KLF15: variants seen among roughly 807,000 people sequenced by gnomAD.
The protein encoded by KLF15 is KLF transcription factor 15.
A neutral mutation model predicts 24.6 loss-of-function variants in KLF15; 4 were observed. The observed-to-expected ratio is 0.16, with a 90% CI of 0.08 to 0.37. The LOEUF is 0.37. Among genes scored for constraint, KLF15 ranks in the 10% least tolerant of loss-of-function variants. The pLI is 1.00. For synonymous variants in KLF15, 246 were observed against 236.3 expected (o/e 1.04, Z -0.37); for missense variants, 496 against 560.6 (o/e 0.88, Z 1.16).
the KLF15 span, among the ~76,000 whole-genome samples, chr3:126,332,609 G>A: frequency 1.4e-5 from 1 of 69,300 alleles, no homozygotes; most frequent in African/African-American, 7.9e-5. Context: ...GGCTTCAGAC[G>A]ATCAAATTAC....
the KLF15 span, among the ~76,000 whole-genome samples, chr3:126,304,265 A>G: frequency 3.3e-5 from 5 of 152,182 alleles, no homozygotes; most frequent in African/African-American, 9.6e-5. Flanking sequence ...CGGATTTGTT[A>G]TCGATGCAAG....
chr3:126,301,552 A>G, the KLF15 span, among the ~76,000 whole-genome samples: 1 of 147,912 alleles, frequency 6.8e-6, no homozygotes, highest in South Asian at 2.1e-4. Context: ...TCTGTTTTCT[A>G]TTTCACTTAT....
chr3:126,290,843 G>A, the KLF15 span: 1 of 152,224 alleles, frequency 6.6e-6, no homozygotes, highest in Non-Finnish European at 1.5e-5. Context: ...GTAGCCATTT[G>A]ACGGAGTTAC....
At chr3:126,301,145 C>T in the KLF15 span, among the ~76,000 whole-genome samples, 3 of 152,212 alleles carry the variant, frequency 2.0e-5, no homozygotes, top group Admixed American at 2.0e-4. Context: ...TCTCCACACT[C>T]CAGAACTTTT....
the KLF15 span, among the ~76,000 whole-genome samples, chr3:126,316,603 A>AAGGGAGTGCACAGGCCAGAGTGAGGC: frequency 9.1e-5 from 13 of 142,400 alleles, no homozygotes; most frequent in African/African-American, 3.0e-4. Context: ...GGGAGTGGGG[A>AAGGGAGTGCACAGGCCAGAGTGAGGC]AGGGAGTGCA....
the KLF15 span, among the ~76,000 whole-genome samples, chr3:126,316,348 G>A: frequency 1.5e-4 from 22 of 151,624 alleles, no homozygotes; most frequent in African/African-American, 5.1e-4. Flanking sequence ...GAGTGGGGAA[G>A]GGAGTGCACA....
the KLF15 span, among the ~76,000 whole-genome samples, chr3:126,324,788 AT>A: frequency 0.017 from 1,255 of 74,712 alleles, 21 homozygotes; most frequent in East Asian, 0.026. Flanking sequence ...TTTGCTTTTA[AT>A]TTTTTTTTTT....
chr3:126,340,307 G>A (rs1051748188), downstream of KLF15, among the ~76,000 whole-genome samples: 1 of 152,238 alleles, frequency 6.6e-6, no homozygotes, highest in Non-Finnish European at 1.5e-5. Flanking sequence ...CAACAGAATG[G>A]GAGTGGAAGT....
the KLF15 span, among the ~76,000 whole-genome samples, chr3:126,323,883 T>C: frequency 1.3e-5 from 2 of 152,066 alleles, no homozygotes; most frequent in African/African-American, 4.8e-5. Context: ...TCCATGTTCC[T>C]GCAAAGGACA....
intron 2 of KLF15, among the ~76,000 whole-genome samples, chr3:126,350,588 C>G (rs2082574857): frequency 6.6e-6 from 1 of 152,276 alleles, no homozygotes; most frequent in Non-Finnish European, 1.5e-5. Context: ...CTCTCAAGAG[C>G]TCTCAGAACC....
At chr3:126,299,436 T>C in the KLF15 span, among the ~76,000 whole-genome samples, 1 of 152,064 alleles carries the variant, frequency 6.6e-6, no homozygotes, top group African/African-American at 2.4e-5. Flanking sequence ...TAATCTGGTA[T>C]GACTGTTGTA....
chr3:126,342,311 C>T (rs530458678), downstream of KLF15, among the ~76,000 whole-genome samples: 5 of 152,242 alleles, frequency 3.3e-5, no homozygotes, highest in African/African-American at 9.6e-5. Flanking sequence ...AAAGGGTCTC[C>T]GATAGCAGAG....
chr3:126,328,388 A>T, the KLF15 span, among the ~76,000 whole-genome samples: 1 of 152,166 alleles, frequency 6.6e-6, no homozygotes, highest in Non-Finnish European at 1.5e-5. Flanking sequence ...GCTGCTATAA[A>T]CATGCGTGGG....
chr3:126,295,505 G>A, the KLF15 span, among the ~76,000 whole-genome samples: 8 of 152,146 alleles, frequency 5.3e-5, no homozygotes, highest in Non-Finnish European at 1.0e-4. Flanking sequence ...ACAAAGTATG[G>A]CACTGAGGAT....
the KLF15 span, among the ~76,000 whole-genome samples, chr3:126,303,895 G>A: frequency 7.9e-5 from 12 of 151,672 alleles, no homozygotes; most frequent in South Asian, 2.1e-4. Context: ...TTTCTGCAAC[G>A]TGTAATTTGC....
the KLF15 span, among the ~76,000 whole-genome samples, chr3:126,318,712 CTT>C: frequency 6.6e-6 from 1 of 152,036 alleles, no homozygotes; most frequent in African/African-American, 2.4e-5. Flanking sequence ...ATTTAGTAGA[CTT>C]TATTTTTTGA....
intron 2 of KLF15, among the ~76,000 whole-genome samples, chr3:126,349,817 G>A (rs958418326): frequency 2.0e-5 from 3 of 152,288 alleles, no homozygotes; most frequent in South Asian, 4.1e-4. Context: ...GCCCCTGCCC[G>A]CCCTCACCAA....
chr3:126,303,595 A>G, the KLF15 span, among the ~76,000 whole-genome samples: 4 of 151,814 alleles, frequency 2.6e-5, no homozygotes, highest in Admixed American at 2.6e-4. Flanking sequence ...CAATTTGATC[A>G]TGATGTATCT....
the KLF15 span, among the ~76,000 whole-genome samples, chr3:126,313,694 G>T: frequency 1.3e-5 from 2 of 152,082 alleles, no homozygotes. Flanking sequence ...CTCCCTACTG[G>T]TTCCACACAC....
Sources: allele counts gnomAD v4.1 joint callset (sites outside exome capture counted in the v4.1 genomes callset), GRCh38; gene constraint gnomAD v4.1.1; transcripts MANE v1.5; gene names NCBI Gene and HGNC (gene_info 2026-07-23, HGNC 2026-07-21).